ANGPTL5: variants seen among roughly 807,000 people sequenced by gnomAD.
ANGPTL5 encodes angiopoietin-related protein 5.
Under a neutral mutation model 39.4 loss-of-function variants are expected in ANGPTL5, and 34 were observed. The ratio of observed to expected loss-of-function variants is 0.86; its 90% CI spans 0.66 to 1.15. The LOEUF (loss-of-function observed/expected upper bound fraction) is 1.15. Ranked by LOEUF, ANGPTL5 falls within the 50% of genes most tolerant of loss-of-function variation. The probability of loss-of-function intolerance (pLI) is 0.00; values close to 1 mark genes in which losing one functional copy is unlikely to be tolerated. For synonymous variants in ANGPTL5, 146 were observed against 152.1 expected, an observed-to-expected ratio of 0.96 and a Z score of 0.29; for missense variants, 467 against 457.5, an observed-to-expected ratio of 1.02 and a Z score of -0.19.
At chr11:101,902,401 G>C (rs1215792154) in intron 6 of ANGPTL5, among the ~76,000 whole-genome samples, 1 of 152,058 alleles carries the variant, frequency 6.6e-6, no homozygotes, top group Non-Finnish European at 1.5e-5. Flanking sequence ...AACTCAAATA[G>C]AAAAGTGAAA....
chr11:101,908,355 G>C (rs1255500836), intron 1 of ANGPTL5, among the ~76,000 whole-genome samples: 1 of 152,106 alleles, frequency 6.6e-6, no homozygotes, highest in Non-Finnish European at 1.5e-5. Flanking sequence ...CAAAAAAATA[G>C]GAAGTAGAAA....
chr11:101,894,735 C>T, intron 8 of ANGPTL5, 144 bp downstream of exon 8: 1 of 832,492 alleles, frequency 1.2e-6, no homozygotes, highest in South Asian at 1.8e-5. Flanking sequence ...AAACTCAAGA[C>T]TTGGCCAGCT....
Position 101,895,049 on chromosome 11 carries a change from C to T in ANGPTL5, c.677G>A (p.Gly226Glu). Reference sequence around the variant, plus strand: ...TACTATATAAAAAATCTTTTTCAGTCCTAGCCAAAATTCTCCTGTAAAAAA... The same window carrying T: ...TACTATATAAAAAATCTTTTTCAGTTCTAGCCAAAATTCTCCTGTAAAAAA... Reference protein sequence around the residue: ...FGDLLGEFWLGLKKIFYIVNQ... With the variant: ...FGDLLGEFWLELKKIFYIVNQ... Residue 226 changes from glycine (G) to glutamate (E), a missense_variant, in exon 8 of 9, where the codon GGA (glycine) becomes GAA (glutamate). Gly to Glu is a moderately conservative substitution (Grantham distance 98). Coordinates refer to ENST00000334289, the MANE Select transcript of ANGPTL5 (RefSeq NM_178127.5). 1 of 1,593,934 alleles carries T rather than the reference C, an allele frequency of 6.3e-7. No individual in the cohort carries two copies. Among genetic ancestry groups the T allele is most frequent in the Non-Finnish European group, 8.6e-7 (1 of 1,167,970 alleles).
chr11:101,908,293 G>A (rs1247264042), intron 1 of ANGPTL5, among the ~76,000 whole-genome samples: 1 of 150,762 alleles, frequency 6.6e-6, no homozygotes, highest in Non-Finnish European at 1.5e-5. Context: ...TTCTTGCCTT[G>A]GGAAAAAAAA....
chr11:101,893,305 T>A (rs1939735798), intron 8 of ANGPTL5, among the ~76,000 whole-genome samples: 1 of 152,234 alleles, frequency 6.6e-6, no homozygotes, highest in African/African-American at 2.4e-5. Flanking sequence ...GGGATTCTCG[T>A]GGAACAAGTG....
At chr11:101,898,602 T>G (rs1939840365) in intron 7 of ANGPTL5, among the ~76,000 whole-genome samples, 1 of 152,248 alleles carries the variant, frequency 6.6e-6, no homozygotes, top group Non-Finnish European at 1.5e-5. Flanking sequence ...AGAGACAATT[T>G]GACTTCCTCT....
At chr11:101,897,459 G>A (rs1939819547) in intron 7 of ANGPTL5, among the ~76,000 whole-genome samples, 1 of 152,086 alleles carries the variant, frequency 6.6e-6, no homozygotes, top group Admixed American at 6.5e-5. Flanking sequence ...GAATTGCCTA[G>A]GTTTTCTTCT....
intron 1 of ANGPTL5, among the ~76,000 whole-genome samples, chr11:101,914,748 T>C (rs1940159241): frequency 6.6e-6 from 1 of 152,202 alleles, no homozygotes; most frequent in Non-Finnish European, 1.5e-5. Context: ...GGCAATTGCC[T>C]GTATCTGAGG....
chr11:101,907,731 G>T, intron 2 of ANGPTL5, 83 bp downstream of exon 2: 1 of 891,548 alleles, frequency 1.1e-6, no homozygotes, highest in Non-Finnish European at 1.8e-6. Context: ...TGGTAGTTAT[G>T]ATTAATCTTT....
At chr11:101,905,492 T>C (rs1381229951) in intron 4 of ANGPTL5, among the ~76,000 whole-genome samples, 1 of 152,148 alleles carries the variant, frequency 6.6e-6, no homozygotes, top group East Asian at 1.9e-4. Flanking sequence ...TATCTGAGAG[T>C]TCTCTTTTGT....
rs774363166 is a variant in ANGPTL5, at chr11:101,902,722, C to G, written c.440-1G>C. ...TCCTTAATATCAGTGCAATCTAAAC[C>G]TAGAAAAGCAAAATTATTTAATTGG... is the stretch of plus-strand genomic sequence containing the variant. On this transcript the variant is annotated splice_acceptor_variant, in intron 5 of 8. Coordinates refer to ENST00000334289, the MANE Select transcript of ANGPTL5 (RefSeq NM_178127.5). LOFTEE classifies it high-confidence loss of function. The G allele has an allele frequency of 6.3e-6, 10 of 1,578,274 alleles. No individual in the cohort carries two copies. The East Asian group carries it at 2.3e-4, about 36-fold the overall frequency.
intron 1 of ANGPTL5, among the ~76,000 whole-genome samples, chr11:101,912,189 C>T (rs1194598769): frequency 1.3e-5 from 2 of 152,168 alleles, no homozygotes; most frequent in Admixed American, 6.5e-5. Flanking sequence ...AGTAGGTGCT[C>T]AATATATATT....
At chr11:101,896,915 C>T (rs1939807541) in intron 7 of ANGPTL5, among the ~76,000 whole-genome samples, 1 of 152,190 alleles carries the variant, frequency 6.6e-6, no homozygotes, top group South Asian at 2.1e-4. Flanking sequence ...GTTCTAGATC[C>T]TTGAGGAATC....
intron 1 of ANGPTL5, among the ~76,000 whole-genome samples, chr11:101,911,356 T>C (rs961596323): frequency 6.6e-6 from 1 of 151,984 alleles, no homozygotes; most frequent in African/African-American, 2.4e-5. Flanking sequence ...ACTCCTGACT[T>C]CAGGTGATCC....
chr11:101,901,005 G>C (rs1240551053), intron 6 of ANGPTL5, among the ~76,000 whole-genome samples: 1 of 140,254 alleles, frequency 7.1e-6, no homozygotes, highest in Admixed American at 7.2e-5. Flanking sequence ...GCGCCCGCTA[G>C]CACCCCCGGC....
chr11:101,896,164 T>G (rs1939789377), intron 7 of ANGPTL5, among the ~76,000 whole-genome samples: 2 of 126,556 alleles, frequency 1.6e-5, no homozygotes, highest in South Asian at 4.5e-4. Flanking sequence ...CTATATTTAT[T>G]TATTTATTTA....
intron 7 of ANGPTL5, among the ~76,000 whole-genome samples, chr11:101,899,443 T>G (rs904469750): frequency 3.3e-5 from 5 of 152,202 alleles, no homozygotes; most frequent in African/African-American, 1.2e-4. Flanking sequence ...CAGTCTCAGT[T>G]TGTATGCAGT....
At position 101,904,776 on chromosome 11, in the gene ANGPTL5, A is replaced by G. The variant is rs1230595006; in HGVS notation, c.439+38T>C. 2.6e-6 allele frequency: 4 copies of G among 1,555,254 alleles called. No homozygotes were observed. The Admixed American group carries it at 5.0e-5, about 19-fold the overall frequency. ...GTCCAGGAAAATTTTAAGCAATAAA[A>G]GACAAACATGAAAAGGCTGAAATAC... On this transcript the variant is annotated intron_variant, in intron 5 of 8. Transcript: ENST00000334289.
At chr11:101,897,472 G>A (rs867769830) in intron 7 of ANGPTL5, among the ~76,000 whole-genome samples, 14 of 151,994 alleles carry the variant, frequency 9.2e-5, no homozygotes, top group African/African-American at 3.1e-4. Context: ...TTTCTTCTAG[G>A]GATTTTATGG....
Sources: allele counts gnomAD v4.1 joint callset (sites outside exome capture counted in the v4.1 genomes callset), GRCh38; gene constraint gnomAD v4.1.1; transcripts MANE v1.5; gene names NCBI Gene and HGNC (gene_info 2026-07-23, HGNC 2026-07-21).